A1CF: variants seen among roughly 807,000 people sequenced by gnomAD.
A1CF encodes the protein APOBEC-1 stimulating protein.
Under a neutral mutation model 68.9 loss-of-function variants are expected in A1CF, and 48 were observed. The observed-to-expected ratio is 0.70, with a 90% CI of 0.55 to 0.89. The LOEUF (loss-of-function observed/expected upper bound fraction) is 0.89, where lower values mean the gene tolerates loss of function less well. Among genes scored for constraint, A1CF ranks in the 40% least tolerant of loss-of-function variants. A1CF has a pLI of 0.00. For synonymous variants in A1CF, 272 were observed against 260.4 expected, an observed-to-expected ratio of 1.04 and a Z score of -0.43; for missense variants, 653 against 718.9, an observed-to-expected ratio of 0.91 and a Z score of 1.05.
chr10:50,830,195 C>G (rs1839172349), intron 6 of A1CF, among the ~76,000 whole-genome samples: 1 of 152,050 alleles, frequency 6.6e-6, no homozygotes, highest in Admixed American at 6.6e-5. Flanking sequence ...CCTCTGCCCC[C>G]AGCCCTGGTA....
intron 1 of A1CF, among the ~76,000 whole-genome samples, chr10:50,880,075 C>T (rs1389429031): frequency 2.6e-5 from 4 of 152,208 alleles, no homozygotes; most frequent in Non-Finnish European, 5.9e-5. Context: ...ACAGAGGGTT[C>T]AGGTTCTGCT....
intron 2 of A1CF, among the ~76,000 whole-genome samples, chr10:50,863,293 T>C (rs1840830334): frequency 6.6e-6 from 1 of 152,206 alleles, no homozygotes; most frequent in Non-Finnish European, 1.5e-5. Flanking sequence ...ATATTTCTTT[T>C]AAGCAAGTCA....
chr10:50,821,243 C>T (rs760911194), intron 7 of A1CF, among the ~76,000 whole-genome samples: 14 of 151,922 alleles, frequency 9.2e-5, no homozygotes, highest in East Asian at 1.9e-4. Context: ...AAGTTGTTTC[C>T]GAAAGAACAT....
At position 50,861,947 on chromosome 10, in the gene A1CF, C is replaced by T. The variant is rs534869096; in HGVS notation, c.-45-1962G>A. 2.6e-4 allele frequency among the ~76,000 whole-genome samples: 39 copies of T among 149,622 alleles called. No homozygotes were observed. The South Asian group carries it at 6.3e-3, about 24-fold the overall frequency. On this transcript the variant is annotated intron_variant, in intron 2 of 12. Coordinates refer to ENST00000373997, the MANE Select transcript of A1CF (RefSeq NM_014576.4). ...ATATATTATGATTAGCAATACTAAT[C>T]GTAATAATAGTAATACTATAGTAAT...
chr10:50,843,137 C>G (rs1041637700), intron 4 of A1CF, among the ~76,000 whole-genome samples: 2 of 152,196 alleles, frequency 1.3e-5, no homozygotes, highest in African/African-American at 4.8e-5. Flanking sequence ...CCCACCCTCA[C>G]GTATTCAGTA....
At chr10:50,883,786 G>A (rs529683494) in intron 1 of A1CF, among the ~76,000 whole-genome samples, 16 of 152,174 alleles carry the variant, frequency 1.1e-4, no homozygotes, top group Non-Finnish European at 1.9e-4. Context: ...GTGCTCGAGC[G>A]TATGATATAA....
chr10:50,816,163 G>T lies in A1CF; in HGVS notation c.984C>A (p.Thr328=). The stretch of plus-strand genomic sequence containing the variant: ...GATCATAAACTTGGCCCAAAGAGTA[G>T]GTATACTCTCCTTGCAGCATGGTGC... The part of the protein sequence containing the change: ...GRGTMLQGEY[T]YSLGQVYDPT... The change falls in exon 9 of 13, where the codon ACC becomes ACA. Residue 328 remains threonine, a synonymous_variant. Coordinates refer to ENST00000373997, the MANE Select transcript of A1CF (RefSeq NM_014576.4). 6.2e-7 allele frequency: 1 copy of T among 1,613,692 alleles called. No individual in the cohort carries two copies. Among genetic ancestry groups the T allele is most frequent in the Non-Finnish European group, 8.5e-7 (1 of 1,179,842 alleles).
chr10:50,859,840 A>G lies in A1CF; in HGVS notation c.99+2T>C, dbSNP rs1840660079. On this transcript the variant is annotated splice_donor_variant, in intron 3 of 12. Transcript: ENST00000373997. LOFTEE classifies it high-confidence loss of function. ...GTCTCAGCAGATTTCACAAGTTCCT[A>G]CCTGGACCAAGCTATATCCTGTGCG... 6.2e-7 allele frequency: 1 copy of G among 1,613,264 alleles called. No individual in the cohort carries two copies. The highest frequency in any genetic ancestry group is 8.5e-7 in the Non-Finnish European group (1 of 1,179,588).
In A1CF at chr10:50,800,869, G is replaced by A. The variant is rs1394391354; in HGVS notation, c.*5860C>T. 1 of 152,162 alleles carries A rather than the reference G, an allele frequency of 6.6e-6. No homozygotes were observed. Among genetic ancestry groups the A allele is most frequent in the Non-Finnish European group, 1.5e-5 (1 of 68,028 alleles). The allele number at this position is 152,162 out of a possible 1,614,324, so 9.4% of individuals were successfully genotyped here. On this transcript the variant is annotated 3_prime_UTR_variant, in exon 13 of 13. Transcript: ENST00000373997. ...GATGAAATCAAATGCAAGGGAATTA[G>A]TGTTGGAGCAAATTTGTGAAGCAGA...
intron 6 of A1CF, among the ~76,000 whole-genome samples, chr10:50,829,898 T>C (rs530771158): frequency 7.2e-5 from 11 of 152,346 alleles, no homozygotes; most frequent in Admixed American, 2.6e-4. Flanking sequence ...TTTGCATTTT[T>C]CCTTCCCATC....
chr10:50,814,554 T>G (rs1462049909), intron 9 of A1CF, among the ~76,000 whole-genome samples: 2 of 152,222 alleles, frequency 1.3e-5, no homozygotes, highest in South Asian at 2.1e-4. Context: ...TTAGAAAGCA[T>G]GCTTTTAGGT....
intron 2 of A1CF, among the ~76,000 whole-genome samples, chr10:50,860,792 A>G (rs1341869917): frequency 6.6e-6 from 1 of 152,194 alleles, no homozygotes; most frequent in African/African-American, 2.4e-5. Flanking sequence ...GCTCACATCC[A>G]CAAGTTCCCA....
At chr10:50,844,148 G>T in intron 3 of A1CF, 26 bp from the exon 4 acceptor site, 1 of 1,598,322 alleles carries the variant, frequency 6.3e-7, no homozygotes, top group South Asian at 1.1e-5. Context: ...AGGTGTGAAG[G>T]AGAGGAGAAA....
At position 50,842,124 on chromosome 10, in the gene A1CF, T is replaced by C. The variant is rs913553214; in HGVS notation, c.235-132A>G. The C allele has an allele frequency of 1.1e-5, 8 of 757,504 alleles. No individual in the cohort carries two copies. The East Asian group carries it at 1.7e-4, about 16-fold the overall frequency. 46.9% of individuals were successfully genotyped at this position (757,504 alleles called of 1,614,324 possible). On this transcript the variant is annotated intron_variant, in intron 4 of 12. Transcript: ENST00000373997. ...GAAGTTTGCCTCCTGCCAGTACTAT[T>C]TGGCATTTGCATCCCATGTGGAATG...
chr10:50,819,135 C>G (rs189157636), intron 8 of A1CF, among the ~76,000 whole-genome samples: 88 of 152,250 alleles, frequency 5.8e-4, no homozygotes, highest in Admixed American at 2.1e-3. Flanking sequence ...TCTTTTCTTT[C>G]TTTCCTTAAT....
intron 5 of A1CF, among the ~76,000 whole-genome samples, chr10:50,841,050 C>A (rs964650927): frequency 1.3e-5 from 2 of 152,216 alleles, no homozygotes; most frequent in African/African-American, 2.4e-5. Flanking sequence ...CTGCAGCAGC[C>A]TTCTAACTGG....
intron 1 of A1CF, among the ~76,000 whole-genome samples, chr10:50,880,787 T>G (rs1191506279): frequency 3.9e-5 from 6 of 152,138 alleles, no homozygotes; most frequent in Non-Finnish European, 7.4e-5. Context: ...TTGTGCACAA[T>G]GTTTTGCCAG....
intron 3 of A1CF, among the ~76,000 whole-genome samples, chr10:50,844,755 C>T (rs1237098736): frequency 6.6e-6 from 1 of 152,198 alleles, no homozygotes; most frequent in Non-Finnish European, 1.5e-5. Flanking sequence ...CAATGTATCA[C>T]TGTACCATCC....
intron 12 of A1CF, among the ~76,000 whole-genome samples, chr10:50,809,193 A>T (rs1276348513): frequency 6.6e-6 from 1 of 152,200 alleles, no homozygotes; most frequent in South Asian, 2.1e-4. Context: ...ATCCACGGAT[A>T]GGCTTTGCTT....
Sources: gnomAD v4.1 joint callset for allele counts (sites outside exome capture counted in the v4.1 genomes callset) on GRCh38, gnomAD v4.1.1 for gene constraint, MANE v1.5 for transcripts, NCBI Gene and HGNC (gene_info 2026-07-23, HGNC 2026-07-21) for gene names.